The following GPN1 variants were observed in gnomAD, a reference collection of about 807,000 sequenced individuals.
GPN1 encodes the protein GPN-loop GTPase 1.
GPN1 carries 44 observed loss-of-function variants against 55.9 expected under a neutral mutation model. That is an observed-to-expected ratio of 0.79 (90% confidence interval 0.62 to 1.01). The LOEUF (loss-of-function observed/expected upper bound fraction) is 1.01. Ranked by LOEUF, GPN1 falls within the 50% of genes least tolerant of loss-of-function variation. GPN1 has a pLI of 0.00. For synonymous variants in GPN1, 179 were observed against 162.5 expected (o/e 1.10, Z -0.77); for missense variants, 466 against 462.8 (o/e 1.01, Z -0.06).
At chr2:27,629,407 G>A in intron 1 of GPN1, 1 of 1,551,262 alleles carries the variant, frequency 6.4e-7, no homozygotes, top group South Asian at 1.2e-5. Context: ...ACGTTGTACA[G>A]GAATTGTCTT....
At chr2:27,631,728 A>C (rs1353733160) in intron 3 of GPN1, 106 bp from the exon 4 acceptor site, 4 of 770,312 alleles carry the variant, frequency 5.2e-6, no homozygotes, top group African/African-American at 1.7e-5. Flanking sequence ...GCCAGTATCC[A>C]TTAATGGAAC....
chr2:27,641,397 G>T (rs1006735056), intron 11 of GPN1, 118 bp downstream of exon 11: 3 of 645,666 alleles, frequency 4.6e-6, no homozygotes, highest in South Asian at 2.4e-5. Flanking sequence ...AATTAAAAAA[G>T]TTTTTTTTGT....
rs1315837299 is a variant in GPN1 at position 27,651,143 on chromosome 2, C to T, written c.*943C>T. On this transcript the variant is annotated 3_prime_UTR_variant, in exon 14 of 14. Coordinates refer to ENST00000610189, the MANE Select transcript of GPN1 (RefSeq NM_007266.4). Reference sequence around the variant, plus strand: ...CAGCCCTTATAAACGTTTGCCCTGCCTCCACATTTTACAGTATCTTAAAAC... The same window carrying T: ...CAGCCCTTATAAACGTTTGCCCTGCTTCCACATTTTACAGTATCTTAAAAC... The T allele has an allele frequency of 6.6e-6, 1 of 152,372 alleles. No individual in the cohort carries two copies. The highest frequency in any genetic ancestry group is 1.5e-5 in the Non-Finnish European group (1 of 68,042). 9.4% of individuals were successfully genotyped at this position (152,372 alleles called of 1,614,324 possible).
chr2:27,633,068 A>C (rs1673609339), intron 5 of GPN1, among the ~76,000 whole-genome samples: 1 of 152,158 alleles, frequency 6.6e-6, no homozygotes, highest in South Asian at 2.1e-4. Flanking sequence ...AATAGGAAAT[A>C]TTTGTTCTTA....
chr2:27,637,487 C>G (rs112650596), intron 7 of GPN1, among the ~76,000 whole-genome samples: 42 of 151,956 alleles, frequency 2.8e-4, no homozygotes, highest in African/African-American at 1.0e-3. Context: ...TTTTATTTGT[C>G]AACTATACCT....
chr2:27,641,189 A>G, intron 10 of GPN1, 51 bp from the exon 11 acceptor site: 1 of 1,204,826 alleles, frequency 8.3e-7, no homozygotes, highest in Non-Finnish European at 1.2e-6. Flanking sequence ...GTGGAGAGTC[A>G]GTAGGATAGA....
chr2:27,642,580 A>G, intron 12 of GPN1, 61 bp downstream of exon 12: 1 of 1,028,484 alleles, frequency 9.7e-7, no homozygotes, highest in Non-Finnish European at 1.5e-6. Context: ...TCTTTTATTT[A>G]TTTATTTATT....
At chr2:27,634,085 A>T (rs979241187) in intron 5 of GPN1, among the ~76,000 whole-genome samples, 6 of 152,088 alleles carry the variant, frequency 3.9e-5, no homozygotes, top group African/African-American at 1.4e-4. Flanking sequence ...GTTTTTGATT[A>T]TAGCCATTCT....
chr2:27,632,185 T>A (rs4666004), intron 4 of GPN1, among the ~76,000 whole-genome samples: 73,486 of 151,972 alleles, frequency 0.48, 18,617 homozygotes, highest in East Asian at 0.88. Flanking sequence ...ATGGGGGTAT[T>A]TGGGAGTGGG....
intron 13 of GPN1, among the ~76,000 whole-genome samples, chr2:27,649,663 AGTAGT>A (rs1406384395): frequency 1.3e-5 from 2 of 152,150 alleles, no homozygotes; most frequent in Non-Finnish European, 2.9e-5. Context: ...TTTTTGACTC[AGTAGT>A]GTAGTCTCTC....
intron 12 of GPN1, 91 bp from the exon 13 acceptor site, chr2:27,647,744 CT>C: frequency 1.3e-6 from 1 of 746,460 alleles, no homozygotes; most frequent in South Asian, 1.6e-5. Context: ...ATCATGAGCA[CT>C]TTCATCCTGC....
intron 5 of GPN1, among the ~76,000 whole-genome samples, chr2:27,633,183 C>T (rs1271452742): frequency 6.6e-6 from 1 of 152,062 alleles, no homozygotes; most frequent in Non-Finnish European, 1.5e-5. Flanking sequence ...TAAGATGAAA[C>T]CATCACCCCG....
Position 27,629,064 on chromosome 2 carries a change from G to A in GPN1, c.6G>A (p.Ala2=). 7 of 1,614,142 alleles carry A rather than the reference G, an allele frequency of 4.3e-6. No individual in the cohort carries two copies. The highest frequency in any genetic ancestry group is 5.9e-6 in the Non-Finnish European group (7 of 1,180,026). Residue 2 remains alanine (A), a synonymous_variant, in exon 1 of 14, where the codon GCG becomes GCA. Coordinates refer to ENST00000610189, the MANE Select transcript of GPN1 (RefSeq NM_007266.4). M[A]ASAAAAELQA... is the part of the protein sequence containing the mutation. ...TGGGTGGGGCCAGGAGGAAGATGGC[G>A]GCGTCCGCAGCTGCCGCTGAGCTCC...
At chr2:27,637,304 C>G (rs1317392299) in intron 7 of GPN1, among the ~76,000 whole-genome samples, 1 of 151,986 alleles carries the variant, frequency 6.6e-6, no homozygotes, top group Non-Finnish European at 1.5e-5. Context: ...AACTCTTCAT[C>G]CTAATCGTCT....
intron 3 of GPN1, 58 bp downstream of exon 3, chr2:27,631,124 T>C: frequency 1.1e-6 from 1 of 915,310 alleles, no homozygotes; most frequent in Non-Finnish European, 1.8e-6. Context: ...TCTGTGTATT[T>C]TGTGGCTTGA....
At chr2:27,628,417 T>C, upstream of GPN1, 2 of 1,551,622 alleles carry the variant, frequency 1.3e-6, no homozygotes, top group Non-Finnish European at 1.7e-6. Flanking sequence ...GCATTCATCC[T>C]GAAGGTCACG....
rs531720216 is a variant in GPN1, at chr2:27,642,537, G to C, written c.931+18G>C. ...TGCCAAAGGTATTGGAGGGTTTCTT[G>C]GTGTTAGGAACTAAAAAAAGGTTAC... On this transcript the variant is annotated intron_variant, in intron 12 of 13. Coordinates refer to ENST00000610189, the MANE Select transcript of GPN1 (RefSeq NM_007266.4). 1 of 1,459,246 alleles carries C rather than the reference G, an allele frequency of 6.9e-7. No homozygotes were observed. The highest frequency in any genetic ancestry group is 1.4e-5 in the African/African-American group (1 of 71,476). 90.4% of individuals were successfully genotyped at this position (1,459,246 alleles called of 1,614,324 possible). A position where few individuals can be genotyped will look rare whatever the true frequency, so the allele number is the denominator to read the frequency against.
At chr2:27,636,236 T>C (rs1351825913) in intron 7 of GPN1, among the ~76,000 whole-genome samples, 1 of 152,046 alleles carries the variant, frequency 6.6e-6, no homozygotes, top group East Asian at 1.9e-4. Context: ...AATGCACTGG[T>C]TTGCCCCAAA....
intron 10 of GPN1, 83 bp from the exon 11 acceptor site, chr2:27,641,157 A>T: frequency 1.1e-6 from 1 of 870,754 alleles, no homozygotes; most frequent in Non-Finnish European, 1.9e-6. Flanking sequence ...TGTCAGTCTT[A>T]GGAAAATAGA....
Sources: gnomAD v4.1 joint callset for allele counts (sites outside exome capture counted in the v4.1 genomes callset) on GRCh38, gnomAD v4.1.1 for gene constraint, MANE v1.5 for transcripts, NCBI Gene and HGNC (gene_info 2026-07-23, HGNC 2026-07-21) for gene names.